EPHB1: variants seen among roughly 807,000 people sequenced by gnomAD.
EPHB1 encodes the protein ephrin type-B receptor 1.
A neutral mutation model predicts 94.4 loss-of-function variants in EPHB1; 30 were observed. The ratio of observed to expected loss-of-function variants is 0.32; its 90% CI spans 0.24 to 0.43. The LOEUF (loss-of-function observed/expected upper bound fraction) is 0.43, where lower values mean the gene tolerates loss of function less well. EPHB1 is among the 20% of genes least tolerant of loss of function. The probability of loss-of-function intolerance (pLI) is 1.00; values close to 1 mark genes in which losing one functional copy is unlikely to be tolerated. For synonymous variants in EPHB1, 522 were observed against 489.1 expected, an observed-to-expected ratio of 1.07 and a Z score of -0.89; for missense variants, 1,055 against 1,308.3, an observed-to-expected ratio of 0.81 and a Z score of 2.99.
At chr3:134,986,135 C>G (rs1470664148) in intron 3 of EPHB1, among the ~76,000 whole-genome samples, 1 of 152,212 alleles carries the variant, frequency 6.6e-6, no homozygotes, top group African/African-American at 2.4e-5. Flanking sequence ...TGTGATAGCT[C>G]AGATGCCAGC....
intron 1 of EPHB1, among the ~76,000 whole-genome samples, chr3:134,895,518 T>A (rs2107687281): frequency 6.6e-6 from 1 of 152,316 alleles, no homozygotes. Flanking sequence ...GCCACAGCTT[T>A]GAAGTGGAAA....
chr3:135,243,551 G>A (rs1202180800), intron 13 of EPHB1, among the ~76,000 whole-genome samples: 1 of 152,164 alleles, frequency 6.6e-6, no homozygotes, highest in African/African-American at 2.4e-5. Flanking sequence ...TGCTCCTCGT[G>A]GGAGGCAAGA....
At chr3:135,007,351 C>T (rs970299728) in intron 3 of EPHB1, among the ~76,000 whole-genome samples, 1 of 152,086 alleles carries the variant, frequency 6.6e-6, no homozygotes, top group Non-Finnish European at 1.5e-5. Flanking sequence ...GTCTCCAGCC[C>T]CTAATCTTAG....
intron 1 of EPHB1, among the ~76,000 whole-genome samples, chr3:134,915,934 G>A (rs2038559973): frequency 6.6e-6 from 1 of 152,120 alleles, no homozygotes; most frequent in African/African-American, 2.4e-5. Flanking sequence ...TGCTGGCTGG[G>A]GCAGCCTACT....
chr3:134,879,894 A>C (rs1231953982), intron 1 of EPHB1, among the ~76,000 whole-genome samples: 3 of 152,234 alleles, frequency 2.0e-5, no homozygotes, highest in Non-Finnish European at 4.4e-5. Flanking sequence ...AGTCAGAGAA[A>C]TAAAATAAAT....
chr3:135,042,822 T>C lies in EPHB1; in HGVS notation c.806-63626T>C, dbSNP rs547399889. ...TACTCTAAGACCTCTTCCTAAAACA[T>C]GTATGTATTTATTTATTTTTTATTT... On this transcript the variant is annotated intron_variant, in intron 3 of 15. Coordinates refer to ENST00000398015, the MANE Select transcript of EPHB1 (RefSeq NM_004441.5). Among the ~76,000 whole-genome samples the C allele has an allele frequency of 2.0e-5, 3 of 152,206 alleles. No individual in the cohort carries two copies. In the South Asian group the frequency reaches 6.2e-4, roughly 32 times the overall value.
chr3:135,001,148 C>G (rs1445602663), intron 3 of EPHB1, among the ~76,000 whole-genome samples: 2 of 152,150 alleles, frequency 1.3e-5, no homozygotes, highest in African/African-American at 4.8e-5. Context: ...TTTGAAGACT[C>G]ACTCCATGGC....
At chr3:135,193,103 A>G (rs1942503103) in intron 11 of EPHB1, among the ~76,000 whole-genome samples, 1 of 152,238 alleles carries the variant, frequency 6.6e-6, no homozygotes, top group African/African-American at 2.4e-5. Context: ...CATCTGCATG[A>G]ATCACAGAGA....
chr3:135,159,287 C>T (rs1185955482), intron 6 of EPHB1, among the ~76,000 whole-genome samples: 2 of 152,190 alleles, frequency 1.3e-5, no homozygotes, highest in Admixed American at 1.3e-4. Flanking sequence ...TCATTTTAAT[C>T]ACTGAACTTC....
intron 6 of EPHB1, among the ~76,000 whole-genome samples, chr3:135,156,929 A>G (rs1242464609): frequency 6.6e-6 from 1 of 152,202 alleles, no homozygotes; most frequent in African/African-American, 2.4e-5. Flanking sequence ...CCCCCTTCCC[A>G]CACATATAAG....
At chr3:134,807,231 A>C (rs1691319696) in intron 1 of EPHB1, among the ~76,000 whole-genome samples, 1 of 152,146 alleles carries the variant, frequency 6.6e-6, no homozygotes, top group African/African-American at 2.4e-5. Context: ...TGTCACAAGT[A>C]CTCACACAGA....
At chr3:134,952,238 A>C (rs901156527) in intron 3 of EPHB1, among the ~76,000 whole-genome samples, 186 bp downstream of exon 3, 4 of 152,208 alleles carry the variant, frequency 2.6e-5, no homozygotes, top group African/African-American at 9.6e-5. Context: ...CAGGTTGTCC[A>C]TATTTATTAT....
At chr3:135,077,570 G>C (rs888027599) in intron 3 of EPHB1, among the ~76,000 whole-genome samples, 12 of 152,220 alleles carry the variant, frequency 7.9e-5, no homozygotes, top group African/African-American at 2.9e-4. Context: ...CTCAAACCTA[G>C]GTAGGAGGAA....
chr3:135,244,029 T>C (rs964944296), intron 13 of EPHB1, among the ~76,000 whole-genome samples: 2 of 152,060 alleles, frequency 1.3e-5, no homozygotes, highest in African/African-American at 2.4e-5. Flanking sequence ...GGGAAATACA[T>C]GTCTGGGGGC....
At chr3:134,978,094 G>A (rs552450521) in intron 3 of EPHB1, 19 of 419,640 alleles carry the variant, frequency 4.5e-5, no homozygotes, top group African/African-American at 3.7e-4. Flanking sequence ...TGCTTGTGGA[G>A]CCTCAAAAAT....
rs147213860 is a variant in EPHB1, at chr3:135,048,948, G to A, written c.806-57500G>A. Among the ~76,000 whole-genome samples the A allele has an allele frequency of 4.5e-3, 692 of 152,322 alleles. 3 individuals carry two copies. Among genetic ancestry groups the A allele is most frequent in the African/African-American group, 0.016 (658 of 41,572 alleles). The stretch of plus-strand genomic sequence containing the variant: ...TGTGTGTGAGGATCTGTAGAGCTGG[G>A]AGTTCTAGCCCCTGTGGATGCTTCC... On this transcript the variant is annotated intron_variant, in intron 3 of 15. Coordinates refer to ENST00000398015, the MANE Select transcript of EPHB1 (RefSeq NM_004441.5).
chr3:135,099,180 C>G (rs1434199681), intron 3 of EPHB1, among the ~76,000 whole-genome samples: 1 of 152,140 alleles, frequency 6.6e-6, no homozygotes, highest in South Asian at 2.1e-4. Flanking sequence ...AACACTCACT[C>G]AATTAGCCGT....
intron 1 of EPHB1, among the ~76,000 whole-genome samples, chr3:134,888,125 C>A (rs1234170655): frequency 6.6e-6 from 1 of 152,144 alleles, no homozygotes; most frequent in Non-Finnish European, 1.5e-5. Flanking sequence ...CAGAGGGAAT[C>A]CCTTCTGAGG....
chr3:134,904,670 A>T (rs1049492263), intron 1 of EPHB1, among the ~76,000 whole-genome samples: 1 of 144,988 alleles, frequency 6.9e-6, no homozygotes, highest in Non-Finnish European at 1.5e-5. Flanking sequence ...ACACACACTG[A>T]GTAGCTAGTC....
Sources: allele counts gnomAD v4.1 joint callset (sites outside exome capture counted in the v4.1 genomes callset), GRCh38; gene constraint gnomAD v4.1.1; transcripts MANE v1.5; gene names NCBI Gene and HGNC (gene_info 2026-07-23, HGNC 2026-07-21).